CABP7: variants seen among roughly 807,000 people sequenced by gnomAD.
The protein encoded by CABP7 is calcium-binding protein 7.
A neutral mutation model predicts 23.1 loss-of-function variants in CABP7; 13 were observed. The ratio of observed to expected loss-of-function variants is 0.56; its 90% CI spans 0.37 to 0.90. The LOEUF (loss-of-function observed/expected upper bound fraction) is 0.90, where lower values mean the gene tolerates loss of function less well. Ranked by LOEUF, CABP7 falls within the 40% of genes least tolerant of loss-of-function variation. The pLI is 0.01. For missense variants in CABP7, 248 were observed against 295.6 expected (o/e 0.84, Z 1.18); for synonymous variants, 123 against 115.3 (o/e 1.07, Z -0.43).
rs985494588 is a variant in CABP7, at chr22:29,720,118, C to T, written c.-307C>T. ...CGAGCAGCGCGGAGCGCGCGGGGCA[C>T]CGAGGAGCGGGCGCGGCGGGCACCG... is the stretch of plus-strand genomic sequence containing the variant. On this transcript the variant is annotated 5_prime_UTR_variant, in exon 1 of 5. Coordinates refer to ENST00000216144, the MANE Select transcript of CABP7 (RefSeq NM_182527.3). This position sits in a 1 kb window ranked among gnomAD's most constrained non-coding sequence, Gnocchi z 5.2. The T allele has an allele frequency of 6.8e-6, 1 of 147,766 alleles. No individual in the cohort carries two copies. Among genetic ancestry groups the T allele is most frequent in the Non-Finnish European group, 1.5e-5 (1 of 66,294 alleles). 9.2% of individuals were successfully genotyped at this position (147,766 alleles called of 1,614,324 possible).
Position 29,722,854 on chromosome 22 carries a change from G to T in CABP7, c.109+2321G>T, listed in dbSNP as rs1304793579. On this transcript the variant is annotated intron_variant, in intron 1 of 4. Transcript: ENST00000216144. Reference sequence around the variant, plus strand: ...CGGGATGGAATGCTGCAGACAGTACGTGCCTGCCGCAGAAATCCAGGGGGC... The same window carrying T: ...CGGGATGGAATGCTGCAGACAGTACTTGCCTGCCGCAGAAATCCAGGGGGC... 2.0e-5 allele frequency among the ~76,000 whole-genome samples: 3 copies of T among 152,372 alleles called. No individual in the cohort carries two copies. The East Asian group carries it at 5.8e-4, about 29-fold the overall frequency.
chr22:29,727,925 C>T lies in CABP7; in HGVS notation c.253+120C>T. 1.7e-6 allele frequency: 2 copies of T among 1,181,630 alleles called. No homozygotes were observed. Among genetic ancestry groups the T allele is most frequent in the Non-Finnish European group, 2.3e-6 (2 of 863,244 alleles). 73.2% of individuals were successfully genotyped at this position (1,181,630 alleles called of 1,614,324 possible). A position where few individuals can be genotyped will look rare whatever the true frequency, so the allele number is the denominator to read the frequency against. On this transcript the variant is annotated intron_variant, in intron 2 of 4. Coordinates refer to ENST00000216144, the MANE Select transcript of CABP7 (RefSeq NM_182527.3). This position sits in a 1 kb window ranked among gnomAD's most constrained non-coding sequence, Gnocchi z 4.2. The stretch of plus-strand genomic sequence containing the variant: ...TTGGGTCTCTCGCTCCCCTGACTCC[C>T]ACCCTCAAAGTCCGTGGCAGGTTGC...
rs2067814560 is a variant in CABP7, at chr22:29,728,802, C to CA, written c.366+61dup. On this transcript the variant is annotated intron_variant, in intron 3 of 4. Coordinates refer to ENST00000216144, the MANE Select transcript of CABP7 (RefSeq NM_182527.3). ...ACACTGTGGAGTTCTGTTCTGGAGC[C>CA]AGTGAATGGCTGGGCCCACACTGTA... 1.7e-5 allele frequency: 22 copies of CA among 1,278,158 alleles called. 1 individual carries two copies. In the South Asian group the frequency reaches 2.5e-4, roughly 15 times the overall value. The allele number at this position is 1,278,158 out of a possible 1,614,324, so 79.2% of individuals were successfully genotyped here.
Position 29,727,526 on chromosome 22 carries a change from T to C in CABP7, c.110-136T>C. The stretch of plus-strand genomic sequence containing the variant: ...ACCCTTGTGCACCCTCGGGCCATGC[T>C]CTCACCAGATCTGCAGGCTCTGGGT... On this transcript the variant is annotated intron_variant, in intron 1 of 4. Coordinates refer to ENST00000216144, the MANE Select transcript of CABP7 (RefSeq NM_182527.3). This position sits in a 1 kb window ranked among gnomAD's most constrained non-coding sequence, Gnocchi z 4.2. 9.1e-7 allele frequency: 1 copy of C among 1,102,510 alleles called. No individual in the cohort carries two copies. The highest frequency in any genetic ancestry group is 1.3e-6 in the Non-Finnish European group (1 of 744,496). The allele number at this position is 1,102,510 out of a possible 1,614,324, so 68.3% of individuals were successfully genotyped here. A position where few individuals can be genotyped will look rare whatever the true frequency, so the allele number is the denominator to read the frequency against.
intron 1 of CABP7, among the ~76,000 whole-genome samples, chr22:29,725,061 T>C (rs896876032): frequency 6.6e-6 from 1 of 152,082 alleles, no homozygotes; most frequent in African/African-American, 2.4e-5. Flanking sequence ...CATCCCTCCC[T>C]GACATCTCCC....
Position 29,727,542 on chromosome 22 carries a change from G to A in CABP7, c.110-120G>A. The stretch of plus-strand genomic sequence containing the variant: ...GGGCCATGCTCTCACCAGATCTGCA[G>A]GCTCTGGGTTGGGCTCTCAAGGCCA... On this transcript the variant is annotated intron_variant, in intron 1 of 4. Coordinates refer to ENST00000216144, the MANE Select transcript of CABP7 (RefSeq NM_182527.3). This position sits in a 1 kb window ranked among gnomAD's most constrained non-coding sequence, Gnocchi z 4.2. The A allele has an allele frequency of 6.4e-6, 8 of 1,242,542 alleles. No individual in the cohort carries two copies. The South Asian group carries it at 1.0e-4, about 15-fold the overall frequency. 77.0% of individuals were successfully genotyped at this position (1,242,542 alleles called of 1,614,324 possible). A position where few individuals can be genotyped will look rare whatever the true frequency, so the allele number is the denominator to read the frequency against.
chr22:29,720,563 C>T lies in CABP7; in HGVS notation c.109+30C>T, dbSNP rs1245545100. 8 of 1,458,452 alleles carry T rather than the reference C, an allele frequency of 5.5e-6. No individual in the cohort carries two copies. Among genetic ancestry groups the T allele is most frequent in the African/African-American group, 4.4e-5 (3 of 68,040 alleles). 90.3% of individuals were successfully genotyped at this position (1,458,452 alleles called of 1,614,324 possible). ...GTGTCCGCCGGGATCCCCGCCCCGG[C>T]GGCCCTCCTACCTGTGCGCCCAGGT... On this transcript the variant is annotated intron_variant, in intron 1 of 4. Transcript: ENST00000216144. This position sits in a 1 kb window ranked among gnomAD's most constrained non-coding sequence, Gnocchi z 5.2.
chr22:29,725,575 A>T (rs929778197), intron 1 of CABP7, among the ~76,000 whole-genome samples: 12 of 152,110 alleles, frequency 7.9e-5, no homozygotes, highest in African/African-American at 2.9e-4. Context: ...CCATGCAAGG[A>T]TGGGGCAAGA....
intron 1 of CABP7, among the ~76,000 whole-genome samples, chr22:29,725,635 C>G (rs73390968): frequency 0.017 from 2,567 of 152,184 alleles, 79 homozygotes; most frequent in African/African-American, 0.059. Context: ...CAGTGGGGAA[C>G]AGGGAGGGCA....
Position 29,720,350 on chromosome 22 carries a change from C to A in CABP7, c.-75C>A, listed in dbSNP as rs1319353120. The A allele has an allele frequency of 1.2e-6, 1 of 836,546 alleles. No individual in the cohort carries two copies. Among genetic ancestry groups the A allele is most frequent in the Admixed American group, 4.5e-5 (1 of 21,986 alleles). The allele number at this position is 836,546 out of a possible 1,614,324, so 51.8% of individuals were successfully genotyped here. ...CCGCGCGCCCCGCCCGCTCCAGCCGCCCCCGGGGCCGCCACCGGCCCATGA... is the reference window on the plus strand; with the variant it reads ...CCGCGCGCCCCGCCCGCTCCAGCCGACCCCGGGGCCGCCACCGGCCCATGA... On this transcript the variant is annotated 5_prime_UTR_variant, in exon 1 of 5. Coordinates refer to ENST00000216144, the MANE Select transcript of CABP7 (RefSeq NM_182527.3). This position sits in a 1 kb window ranked among gnomAD's most constrained non-coding sequence, Gnocchi z 5.2.
chr22:29,725,164 C>T (rs2067786582), intron 1 of CABP7, among the ~76,000 whole-genome samples: 1 of 152,100 alleles, frequency 6.6e-6, no homozygotes, highest in Admixed American at 6.5e-5. Context: ...CCCCACTCGT[C>T]TTCAGCTTGA....
Position 29,727,068 on chromosome 22 carries a change from A to T in CABP7, c.110-594A>T, listed in dbSNP as rs1452213743. On this transcript the variant is annotated intron_variant, in intron 1 of 4. Coordinates refer to ENST00000216144, the MANE Select transcript of CABP7 (RefSeq NM_182527.3). The surrounding 1 kb of genome is among the most constrained non-coding windows in gnomAD (Gnocchi z 4.2). The stretch of plus-strand genomic sequence containing the variant: ...CAGTGTGGAGGGCGACCCCCCACCC[A>T]GTCTGGTCTGGCCTGGACCTGGAGG... 1.3e-5 allele frequency among the ~76,000 whole-genome samples: 2 copies of T among 152,130 alleles called. No homozygotes were observed. Among genetic ancestry groups the T allele is most frequent in the Non-Finnish European group, 2.9e-5 (2 of 68,004 alleles).
chr22:29,722,595 C>T (rs1277143499), intron 1 of CABP7, among the ~76,000 whole-genome samples: 1 of 152,254 alleles, frequency 6.6e-6, no homozygotes, highest in East Asian at 1.9e-4. Flanking sequence ...GACCAGCCCC[C>T]TTCTTGGCTG....
chr22:29,728,940 A>G, intron 3 of CABP7, 115 bp from the exon 4 acceptor site: 1 of 1,358,270 alleles, frequency 7.4e-7, no homozygotes, highest in Non-Finnish European at 1.0e-6. Context: ...GGAATGGAGC[A>G]AGTGTTTTCC....
intron 3 of CABP7, 50 bp downstream of exon 3, chr22:29,728,792 G>T (rs1382427471): frequency 7.3e-7 from 1 of 1,369,804 alleles, no homozygotes; most frequent in Admixed American, 1.7e-5. Flanking sequence ...GTGGAGTTCT[G>T]TTCTGGAGCC....
chr22:29,728,134 TGAG>T (rs1192421538), intron 2 of CABP7, among the ~76,000 whole-genome samples: 2 of 152,126 alleles, frequency 1.3e-5, no homozygotes, highest in East Asian at 3.9e-4. Context: ...AATGACTACT[TGAG>T]TTGTGTTTGC....
chr22:29,731,615 G>C lies in CABP7; in HGVS notation c.*2046G>C. The C allele has an allele frequency of 2.3e-6, 1 of 444,028 alleles. No individual in the cohort carries two copies. Among genetic ancestry groups the C allele is most frequent in the African/African-American group, 2.1e-5 (1 of 47,718 alleles). 27.5% of individuals were successfully genotyped at this position (444,028 alleles called of 1,614,324 possible). ...GGGAATAACCTTCGTGTCCACCTGT[G>C]GGGGACTGATTCAATACATATGCAC... On this transcript the variant is annotated 3_prime_UTR_variant, in exon 5 of 5. Coordinates refer to ENST00000216144, the MANE Select transcript of CABP7 (RefSeq NM_182527.3).
chr22:29,724,254 C>T (rs1601706720), intron 1 of CABP7, among the ~76,000 whole-genome samples: 2 of 152,194 alleles, frequency 1.3e-5, no homozygotes, highest in East Asian at 1.9e-4. Context: ...TAGAGAGGGA[C>T]GTGACTTGCC....
chr22:29,728,529 G>A (rs2067812145), intron 2 of CABP7, 101 bp from the exon 3 acceptor site: 3 of 715,902 alleles, frequency 4.2e-6, no homozygotes, highest in African/African-American at 1.8e-5. Context: ...AGGCCACCCG[G>A]TAGGCCCAAG....
Sources: allele counts gnomAD v4.1 joint callset (sites outside exome capture counted in the v4.1 genomes callset), GRCh38; gene constraint gnomAD v4.1.1; non-coding constraint Gnocchi (gnomAD v3.1); transcripts MANE v1.5; gene names NCBI Gene and HGNC (gene_info 2026-07-23, HGNC 2026-07-21).